The following PSD3 variants were observed in gnomAD, a reference collection of about 807,000 sequenced individuals.
PSD3 encodes the protein PH and SEC7 domain-containing protein 3.
PSD3 carries 49 observed loss-of-function variants against 105.5 expected under a neutral mutation model. That is an observed-to-expected ratio of 0.46 (90% confidence interval 0.37 to 0.59). The LOEUF is 0.59. Ranked by LOEUF, PSD3 falls within the 20% of genes least tolerant of loss-of-function variation. PSD3 has a pLI of 0.00. For synonymous variants in PSD3, 557 were observed against 457.8 expected, an observed-to-expected ratio of 1.22 and a Z score of -2.77; for missense variants, 1,561 against 1,263.8, an observed-to-expected ratio of 1.24 and a Z score of -3.57.
chr8:18,730,825 T>C (rs1211119377), intron 9 of PSD3, among the ~76,000 whole-genome samples: 1 of 152,150 alleles, frequency 6.6e-6, no homozygotes, highest in African/African-American at 2.4e-5. Context: ...AAAGACAAGA[T>C]GTGTGTACTT....
intron 3 of PSD3, among the ~76,000 whole-genome samples, chr8:18,870,090 G>A (rs539088674): frequency 6.6e-6 from 1 of 152,176 alleles, no homozygotes; most frequent in East Asian, 1.9e-4. Context: ...GAGCTGATGG[G>A]TTGGGGAGGG....
chr8:18,912,762 C>T (rs1443529991), intron 2 of PSD3, among the ~76,000 whole-genome samples: 1 of 152,090 alleles, frequency 6.6e-6, no homozygotes, highest in African/African-American at 2.4e-5. Context: ...ACAGGTGGGA[C>T]CCTATTGCTT....
chr8:18,820,861 C>T (rs1400349471), intron 4 of PSD3, among the ~76,000 whole-genome samples: 1 of 45,202 alleles, frequency 2.2e-5, no homozygotes, highest in African/African-American at 6.3e-5. Context: ...ACAGGCAATC[C>T]TCCCTCTTCA....
At chr8:18,774,518 C>A in intron 8 of PSD3, 1 of 236,326 alleles carries the variant, frequency 4.2e-6, no homozygotes, top group Non-Finnish European at 8.4e-6. Flanking sequence ...TTTTTTTTTC[C>A]TCCAGTTTGA....
intron 9 of PSD3, among the ~76,000 whole-genome samples, chr8:18,667,935 C>T (rs964335181): frequency 2.6e-5 from 4 of 152,234 alleles, no homozygotes; most frequent in Non-Finnish European, 5.9e-5. Context: ...GTTACTAAGC[C>T]CCTCACTGCC....
chr8:18,743,594 C>G (rs115318304), intron 9 of PSD3, among the ~76,000 whole-genome samples: 1,824 of 152,000 alleles, frequency 0.012, 35 homozygotes, highest in African/African-American at 0.042. Context: ...CCTATTATAC[C>G]AGGGAGCCAT....
At position 18,608,631 on chromosome 8, in the gene PSD3, C is replaced by T. The variant is rs116335349; in HGVS notation, c.2411-8197G>A. On this transcript the variant is annotated intron_variant, in intron 11 of 15. Coordinates refer to ENST00000327040, the MANE Select transcript of PSD3 (RefSeq NM_015310.4). ...ATAATATTTTGGCTTTAGTTATTAC[C>T]ACTGATTTTTGTAAAAGTGAAATGC... Among the ~76,000 whole-genome samples, 614 of 152,168 alleles carry T rather than the reference C, an allele frequency of 4.0e-3. 2 individuals are homozygous for T. Among genetic ancestry groups the T allele is most frequent in the African/African-American group, 0.014 (588 of 41,504 alleles).
chr8:18,718,401 T>G (rs1032386940), intron 9 of PSD3, among the ~76,000 whole-genome samples: 2 of 152,246 alleles, frequency 1.3e-5, no homozygotes, highest in Non-Finnish European at 1.5e-5. Flanking sequence ...TGCTTTGGTT[T>G]GTTTGTTCTT....
Position 18,585,822 on chromosome 8 carries a change from T to G in PSD3, c.2482-10537A>C, listed in dbSNP as rs551828975. Among the ~76,000 whole-genome samples, 4 of 152,172 alleles carry G rather than the reference T, an allele frequency of 2.6e-5. No homozygotes were observed. The South Asian group carries it at 6.2e-4, about 24-fold the overall frequency. On this transcript the variant is annotated intron_variant, in intron 12 of 15. Transcript: ENST00000327040. ...TCCCCTCATTTTACACAGAAATGAG[T>G]TGAGGTTCGCAGAGGATAATTAACT... is the stretch of plus-strand genomic sequence containing the variant.
At chr8:19,029,707 G>A (rs1049342082) in intron 1 of PSD3, among the ~76,000 whole-genome samples, 3 of 152,274 alleles carry the variant, frequency 2.0e-5, no homozygotes, top group East Asian at 1.9e-4. Flanking sequence ...AGATTTGGGT[G>A]GGGACACAGC....
intron 4 of PSD3, among the ~76,000 whole-genome samples, chr8:18,830,836 C>A (rs578240085): frequency 5.7e-4 from 87 of 152,276 alleles, no homozygotes; most frequent in Non-Finnish European, 1.1e-3. Flanking sequence ...CAACCTAAAC[C>A]ATCTATGAGA....
intron 2 of PSD3, chr8:18,924,514 T>C (rs1236946284): frequency 6.6e-6 from 1 of 152,150 alleles, no homozygotes; most frequent in East Asian, 1.9e-4. Flanking sequence ...AGAAAATAAA[T>C]CAACAGAAAA....
chr8:18,638,429 A>C (rs904850166), intron 10 of PSD3, among the ~76,000 whole-genome samples: 10 of 152,148 alleles, frequency 6.6e-5, no homozygotes, highest in African/African-American at 2.4e-4. Context: ...GAACTGCTAA[A>C]GTCAGTAAAG....
chr8:18,766,016 C>T lies in PSD3; in HGVS notation c.2083-478G>A, dbSNP rs573714678. Among the ~76,000 whole-genome samples the T allele has an allele frequency of 2.7e-5, 4 of 149,908 alleles. No individual in the cohort carries two copies. The South Asian group carries it at 6.3e-4, about 24-fold the overall frequency. ...AACAGACAAACAAACAAACAAATAA[C>T]ATAACTAGACATCTATTTACAAATA... On this transcript the variant is annotated intron_variant, in intron 8 of 15. Coordinates refer to ENST00000327040, the MANE Select transcript of PSD3 (RefSeq NM_015310.4).
intron 9 of PSD3, among the ~76,000 whole-genome samples, chr8:18,667,075 T>C (rs1799511308): frequency 6.6e-6 from 1 of 152,096 alleles, no homozygotes; most frequent in Non-Finnish European, 1.5e-5. Context: ...GACCTTTGTG[T>C]TGAGTGTTAC....
intron 14 of PSD3, among the ~76,000 whole-genome samples, chr8:18,557,016 C>T (rs1435671802): frequency 2.0e-5 from 3 of 152,176 alleles, no homozygotes; most frequent in South Asian, 4.1e-4. Flanking sequence ...TTATAGGTAC[C>T]GTGTACCAAT....
At chr8:18,926,944 T>G (rs1384381768) in intron 2 of PSD3, among the ~76,000 whole-genome samples, 1 of 152,144 alleles carries the variant, frequency 6.6e-6, no homozygotes, top group Non-Finnish European at 1.5e-5. Flanking sequence ...TTGTTTTATT[T>G]GTGCTTCTGA....
chr8:18,558,470 G>A (rs1346683428), intron 14 of PSD3, among the ~76,000 whole-genome samples: 3 of 152,232 alleles, frequency 2.0e-5, no homozygotes, highest in Middle Eastern at 3.4e-3. Flanking sequence ...ACACATGTAC[G>A]TGCTCATCTC....
intron 2 of PSD3, among the ~76,000 whole-genome samples, chr8:18,900,548 C>G (rs1015304177): frequency 6.6e-6 from 1 of 151,546 alleles, no homozygotes; most frequent in East Asian, 1.9e-4. Flanking sequence ...TCCAGCATCA[C>G]TAGTGGTACT....
Sources: allele counts gnomAD v4.1 joint callset (sites outside exome capture counted in the v4.1 genomes callset), GRCh38; gene constraint gnomAD v4.1.1; transcripts MANE v1.5; gene names NCBI Gene and HGNC (gene_info 2026-07-23, HGNC 2026-07-21).